SHISA9: variants seen among roughly 807,000 people sequenced by gnomAD.
SHISA9 encodes the protein protein shisa-9.
SHISA9 carries 13 observed loss-of-function variants against 38.0 expected under a neutral mutation model. That is an observed-to-expected ratio of 0.34 (90% CI 0.22 to 0.54). The LOEUF (loss-of-function observed/expected upper bound fraction) is 0.54, where lower values mean the gene tolerates loss of function less well. Ranked by LOEUF, SHISA9 falls within the 20% of genes least tolerant of loss-of-function variation. The pLI is 0.91. For missense variants in SHISA9, 538 were observed against 575.8 expected, an observed-to-expected ratio of 0.93 and a Z score of 0.67; for synonymous variants, 275 against 242.0, an observed-to-expected ratio of 1.14 and a Z score of -1.27.
chr16:13,053,160 G>C (rs916391907), intron 2 of SHISA9, among the ~76,000 whole-genome samples: 1 of 151,388 alleles, frequency 6.6e-6, no homozygotes, highest in Admixed American at 6.6e-5. Context: ...ATGGGGTTTC[G>C]CCATGTTGGC....
chr16:13,233,024 C>T (rs1241786748), intron 4 of SHISA9, among the ~76,000 whole-genome samples: 10 of 151,962 alleles, frequency 6.6e-5, no homozygotes, highest in Admixed American at 6.6e-4. Context: ...TTTTGCAGGG[C>T]CATTTCAAAG....
chr16:13,036,417 G>C (rs6498376), intron 2 of SHISA9, among the ~76,000 whole-genome samples: 17,363 of 152,112 alleles, frequency 0.11, 2,402 homozygotes, highest in African/African-American at 0.32. Context: ...ATCTAGAAAT[G>C]ACAAATGAAA....
At chr16:13,297,585 G>A in the SHISA9 span, among the ~76,000 whole-genome samples, 1 of 152,148 alleles carries the variant, frequency 6.6e-6, no homozygotes, top group South Asian at 2.1e-4. Context: ...CAGCAAGAAC[G>A]GAGTAGCAGA....
intron 2 of SHISA9, among the ~76,000 whole-genome samples, chr16:13,091,948 T>A (rs1183140738): frequency 6.6e-6 from 1 of 152,216 alleles, no homozygotes; most frequent in African/African-American, 2.4e-5. Context: ...TTTACCTACC[T>A]TTGGTCTTTG....
the SHISA9 span, among the ~76,000 whole-genome samples, chr16:13,357,066 A>C: frequency 6.6e-6 from 1 of 152,110 alleles, no homozygotes; most frequent in Non-Finnish European, 1.5e-5. Context: ...AAACCCACAG[A>C]AAACAGTAGA....
At chr16:12,997,438 G>A (rs1212818258) in intron 2 of SHISA9, among the ~76,000 whole-genome samples, 1 of 139,250 alleles carries the variant, frequency 7.2e-6, no homozygotes. Flanking sequence ...AGACAGTCTC[G>A]CTCTGTTGGC....
At chr16:13,002,716 A>G (rs780923156) in intron 2 of SHISA9, among the ~76,000 whole-genome samples, 20 of 151,868 alleles carry the variant, frequency 1.3e-4, no homozygotes, top group Admixed American at 1.3e-4. Context: ...TATTTTTAAT[A>G]GAGATGAGAT....
At chr16:13,068,062 T>A (rs972102482) in intron 2 of SHISA9, among the ~76,000 whole-genome samples, 5 of 152,216 alleles carry the variant, frequency 3.3e-5, no homozygotes, top group Non-Finnish European at 5.9e-5. Context: ...AGCTGAGTGG[T>A]TGACCACATA....
chr16:13,284,654 G>A, the SHISA9 span, among the ~76,000 whole-genome samples: 373 of 152,262 alleles, frequency 2.4e-3, 2 homozygotes, highest in African/African-American at 8.6e-3. Context: ...CTCGAATGCA[G>A]CAGTGCAATC....
chr16:13,456,200 G>A, the SHISA9 span, among the ~76,000 whole-genome samples: 1 of 151,898 alleles, frequency 6.6e-6, no homozygotes, highest in Non-Finnish European at 1.5e-5. Context: ...CACTATGTCC[G>A]GGACACATGA....
At chr16:13,153,932 A>G (rs2050521010) in intron 2 of SHISA9, among the ~76,000 whole-genome samples, 1 of 122,570 alleles carries the variant, frequency 8.2e-6, no homozygotes, top group South Asian at 2.8e-4. Flanking sequence ...TTGCAAATAG[A>G]GGCAACAGAT....
intron 2 of SHISA9, among the ~76,000 whole-genome samples, chr16:13,148,378 G>A (rs959241222): frequency 5.9e-5 from 9 of 151,906 alleles, no homozygotes; most frequent in Middle Eastern, 6.8e-3. Context: ...CACACCATGC[G>A]CAGTTTCCAT....
chr16:13,105,070 A>C (rs2073913340), intron 2 of SHISA9, among the ~76,000 whole-genome samples: 1 of 152,202 alleles, frequency 6.6e-6, no homozygotes, highest in Non-Finnish European at 1.5e-5. Context: ...GTTTAACGTC[A>C]AGGAAATATA....
the SHISA9 span, among the ~76,000 whole-genome samples, chr16:13,537,863 T>C: frequency 2.0e-3 from 301 of 152,328 alleles, 2 homozygotes; most frequent in African/African-American, 6.8e-3. Flanking sequence ...ATAAAAATTA[T>C]GCAGAGGAAA....
chr16:13,166,887 C>T lies in SHISA9; in HGVS notation c.692-36507C>T, dbSNP rs185661632. Among the ~76,000 whole-genome samples, 17 of 152,128 alleles carry T rather than the reference C, an allele frequency of 1.1e-4. No homozygotes were observed. The South Asian group carries it at 2.3e-3, about 20-fold the overall frequency. ...TAATGCATGCTGTGCTTAATACCTA[C>T]GTGATGGGTCGATAGGTGCAGCAAA... is the stretch of plus-strand genomic sequence containing the variant. On this transcript the variant is annotated intron_variant, in intron 2 of 4. Transcript: ENST00000558583.
the SHISA9 span, among the ~76,000 whole-genome samples, chr16:13,523,619 G>C: frequency 2.9e-3 from 441 of 152,290 alleles, 6 homozygotes; most frequent in African/African-American, 0.01. Flanking sequence ...AAACAAGAGC[G>C]ATGGGGGAGG....
intron 2 of SHISA9, among the ~76,000 whole-genome samples, chr16:13,166,941 C>T (rs1193361967): frequency 6.6e-6 from 1 of 152,056 alleles, no homozygotes; most frequent in African/African-American, 2.4e-5. Context: ...ACCTATGTCA[C>T]AAACCTGCAC....
chr16:12,955,021 A>G (rs1170099906), intron 2 of SHISA9, among the ~76,000 whole-genome samples: 1 of 151,876 alleles, frequency 6.6e-6, no homozygotes, highest in Non-Finnish European at 1.5e-5. Flanking sequence ...TCTCCTTTTA[A>G]TAGATGACAA....
chr16:13,498,200 A>G, the SHISA9 span, among the ~76,000 whole-genome samples: 3 of 152,160 alleles, frequency 2.0e-5, no homozygotes, highest in Non-Finnish European at 4.4e-5. Context: ...CTAAATGACA[A>G]ATTGATACCA....
Sources: allele counts gnomAD v4.1 joint callset (sites outside exome capture counted in the v4.1 genomes callset), GRCh38; gene constraint gnomAD v4.1.1; transcripts MANE v1.5; gene names NCBI Gene and HGNC (gene_info 2026-07-23, HGNC 2026-07-21).